The following PIEZO2 variants were observed in gnomAD, a reference collection of about 807,000 sequenced individuals.
PIEZO2 encodes piezo type mechanosensitive ion channel component 2.
In PIEZO2, 172 loss-of-function variants were observed where a neutral mutation model predicts 337.3. The ratio of observed to expected loss-of-function variants is 0.51; its 90% CI spans 0.45 to 0.58. PIEZO2 has a LOEUF of 0.58. PIEZO2 is among the 20% of genes least tolerant of loss of function. The probability of loss-of-function intolerance (pLI) is 0.00; values close to 1 mark genes in which losing one functional copy is unlikely to be tolerated. For synonymous variants in PIEZO2, 1,251 were observed against 1,228.5 expected, an observed-to-expected ratio of 1.02 and a Z score of -0.38; for missense variants, 3,028 against 3,391.3, an observed-to-expected ratio of 0.89 and a Z score of 2.66.
intron 2 of PIEZO2, among the ~76,000 whole-genome samples, chr18:11,060,084 G>C (rs1301917198): frequency 1.3e-5 from 2 of 152,108 alleles, no homozygotes; most frequent in Admixed American, 6.5e-5. Flanking sequence ...AATCAAACTA[G>C]AACTCAGGAT....
chr18:11,049,770 T>G (rs1598882404), intron 2 of PIEZO2, among the ~76,000 whole-genome samples: 1 of 152,302 alleles, frequency 6.6e-6, no homozygotes, highest in South Asian at 2.1e-4. Flanking sequence ...GACATGCCTT[T>G]CGCCTCCCAC....
chr18:11,074,625 T>A (rs529238854), intron 1 of PIEZO2, among the ~76,000 whole-genome samples: 6 of 152,128 alleles, frequency 3.9e-5, no homozygotes, highest in Non-Finnish European at 8.8e-5. Flanking sequence ...TTTCTAAAGA[T>A]GAAAGATGGT....
At chr18:11,073,129 C>G (rs1006966870) in intron 1 of PIEZO2, among the ~76,000 whole-genome samples, 1 of 152,174 alleles carries the variant, frequency 6.6e-6, no homozygotes, top group African/African-American at 2.4e-5. Context: ...TTTCCCACAT[C>G]ACAACCTTCT....
chr18:10,714,626 T>C, intron 39 of PIEZO2, 138 bp downstream of exon 39: 1 of 917,958 alleles, frequency 1.1e-6, no homozygotes, highest in East Asian at 2.7e-5. Flanking sequence ...GTTGTACAGA[T>C]GGCGACAGCT....
rs1281154434 is a variant in PIEZO2, at chr18:10,856,654, GGT to G, written c.703+345_703+346del. On this transcript the variant is annotated intron_variant, in intron 6 of 55. Coordinates refer to ENST00000674853, the MANE Select transcript of PIEZO2 (RefSeq NM_001378183.1). This position sits in a 1 kb window ranked among gnomAD's most constrained non-coding sequence, Gnocchi z 4.7. ...AGAACCCACAATATGGCTTGTGATG[GGT>G]GCATGCACATTGTTAATTGCAGCAG... 6.6e-6 allele frequency among the ~76,000 whole-genome samples: 1 copy of G among 152,098 alleles called. No individual in the cohort carries two copies. The highest frequency in any genetic ancestry group is 1.9e-4 in the East Asian group (1 of 5,204).
chr18:10,712,344 C>T (rs995461570), intron 39 of PIEZO2, among the ~76,000 whole-genome samples: 15 of 151,786 alleles, frequency 9.9e-5, no homozygotes, highest in African/African-American at 2.2e-4. Context: ...GAGCTAGACA[C>T]GGATTTTAAG....
chr18:10,948,892 C>CT (rs1314073112), intron 3 of PIEZO2, among the ~76,000 whole-genome samples: 1 of 152,184 alleles, frequency 6.6e-6, no homozygotes, highest in Non-Finnish European at 1.5e-5. Flanking sequence ...CATACCTTCA[C>CT]TTTCATAACA....
rs1330287455 is a variant in PIEZO2 at position 11,148,647 on chromosome 18, G to A, written c.-59C>T. 35 of 1,515,956 alleles carry A rather than the reference G, an allele frequency of 2.3e-5. No individual in the cohort carries two copies. Among genetic ancestry groups the A allele is most frequent in the Non-Finnish European group, 2.8e-5 (32 of 1,128,688 alleles). The allele number at this position is 1,515,956 out of a possible 1,614,324, so 93.9% of individuals were successfully genotyped here. ...AGGCTCGAGGGTCCCTAGGGGTGGT[G>A]GGACGCAAGGCCCATGCCCGTCTAT... On this transcript the variant is annotated 5_prime_UTR_variant, in exon 1 of 56. Transcript: ENST00000674853. The surrounding 1 kb of genome is among the most constrained non-coding windows in gnomAD (Gnocchi z 5.2).
chr18:10,729,274 AT>A (rs1263347295), intron 36 of PIEZO2, among the ~76,000 whole-genome samples: 1 of 152,168 alleles, frequency 6.6e-6, no homozygotes, highest in Non-Finnish European at 1.5e-5. Context: ...TTTCCTTTTT[AT>A]TTTTTAATGC....
chr18:10,798,377 G>A (rs1311061115), intron 11 of PIEZO2, among the ~76,000 whole-genome samples: 1 of 152,206 alleles, frequency 6.6e-6, no homozygotes, highest in Non-Finnish European at 1.5e-5. Flanking sequence ...ATCAGTGACT[G>A]TGCATACTAC....
chr18:10,906,977 A>G (rs1443783358), intron 4 of PIEZO2, among the ~76,000 whole-genome samples: 1 of 152,192 alleles, frequency 6.6e-6, no homozygotes, highest in African/African-American at 2.4e-5. Flanking sequence ...TTTAAAATCC[A>G]GTCTGAAATT....
rs2036573897 is a variant in PIEZO2, at chr18:11,027,272, G to A, written c.160+38855C>T. On this transcript the variant is annotated intron_variant, in intron 2 of 55. Coordinates refer to ENST00000674853, the MANE Select transcript of PIEZO2 (RefSeq NM_001378183.1). This position sits in a 1 kb window ranked among gnomAD's most constrained non-coding sequence, Gnocchi z 4.2. ...AGGAACAGCATGAGCCGTGACCCCT[G>A]AGTTCTGAGCTCCAGTCAAGGTATA... Among the ~76,000 whole-genome samples, 2 of 152,272 alleles carry A rather than the reference G, an allele frequency of 1.3e-5. No individual in the cohort carries two copies.
In PIEZO2 at chr18:10,853,128, G is replaced by A. The variant is rs932028649; in HGVS notation, c.917+2225C>T. Among the ~76,000 whole-genome samples the A allele has an allele frequency of 6.6e-6, 1 of 152,158 alleles. No homozygotes were observed. The highest frequency in any genetic ancestry group is 1.5e-5 in the Non-Finnish European group (1 of 68,026). On this transcript the variant is annotated intron_variant, in intron 7 of 55. Transcript: ENST00000674853. The surrounding 1 kb of genome is among the most constrained non-coding windows in gnomAD (Gnocchi z 4.2). The stretch of plus-strand genomic sequence containing the variant: ...TGAGGGAAGAGCACTTCAAGTGAGC[G>A]AAGAGCACTTCAAGTGAGCATGCGC...
intron 2 of PIEZO2, among the ~76,000 whole-genome samples, chr18:11,030,903 C>G (rs1229458518): frequency 6.6e-6 from 1 of 152,212 alleles, no homozygotes; most frequent in Non-Finnish European, 1.5e-5. Flanking sequence ...CTAGTCTCTG[C>G]AAAATGTATT....
intron 4 of PIEZO2, among the ~76,000 whole-genome samples, chr18:10,880,099 T>C (rs1327599947): frequency 6.6e-6 from 1 of 152,156 alleles, no homozygotes; most frequent in African/African-American, 2.4e-5. Context: ...CAAAAGTGTA[T>C]CTTTAATACT....
intron 26 of PIEZO2, among the ~76,000 whole-genome samples, chr18:10,758,829 T>C (rs890351688): frequency 6.6e-6 from 1 of 152,218 alleles, no homozygotes; most frequent in Non-Finnish European, 1.5e-5. Context: ...CAGCGCAGCC[T>C]GAGAGAGCTG....
At position 11,021,393 on chromosome 18, in the gene PIEZO2, G is replaced by A. The variant is rs1468146998; in HGVS notation, c.161-41733C>T. Among the ~76,000 whole-genome samples, 5 of 151,972 alleles carry A rather than the reference G, an allele frequency of 3.3e-5. No individual in the cohort carries two copies. In the South Asian group the frequency reaches 6.2e-4, roughly 19 times the overall value. ...CCTTCTACAAAAGCATCCCACTCTTGTATTCCATGCAACCTGCGTGTGTCT... is the reference window on the plus strand; with the variant it reads ...CCTTCTACAAAAGCATCCCACTCTTATATTCCATGCAACCTGCGTGTGTCT... On this transcript the variant is annotated intron_variant, in intron 2 of 55. Coordinates refer to ENST00000674853, the MANE Select transcript of PIEZO2 (RefSeq NM_001378183.1). This position sits in a 1 kb window ranked among gnomAD's most constrained non-coding sequence, Gnocchi z 4.7.
chr18:10,728,928 C>G (rs1280233814), intron 36 of PIEZO2, among the ~76,000 whole-genome samples: 1 of 143,768 alleles, frequency 7.0e-6, no homozygotes, highest in African/African-American at 2.6e-5. Flanking sequence ...GCACTCCAGC[C>G]TGGGCGACAG....
intron 2 of PIEZO2, among the ~76,000 whole-genome samples, chr18:11,034,272 G>A (rs1444595550): frequency 1.3e-5 from 2 of 151,932 alleles, no homozygotes; most frequent in Middle Eastern, 3.4e-3. Context: ...TCTATTTACT[G>A]ATTAAATGTA....
Sources: allele counts gnomAD v4.1 joint callset (sites outside exome capture counted in the v4.1 genomes callset), GRCh38; gene constraint gnomAD v4.1.1; non-coding constraint Gnocchi (gnomAD v3.1); transcripts MANE v1.5; gene names NCBI Gene and HGNC (gene_info 2026-07-23, HGNC 2026-07-21).